CCDC180: variants seen among roughly 807,000 people sequenced by gnomAD.
The protein encoded by CCDC180 is coiled-coil domain containing 180, also known as coiled-coil domain-containing protein 180.
A neutral mutation model predicts 209.2 loss-of-function variants in CCDC180; 154 were observed. The observed-to-expected ratio is 0.74, with a 90% CI of 0.65 to 0.84. The LOEUF is 0.84. Ranked by LOEUF, CCDC180 falls within the 40% of genes least tolerant of loss-of-function variation. The pLI is 0.00. For missense variants in CCDC180, 1,874 were observed against 1,997.3 expected, an observed-to-expected ratio of 0.94 and a Z score of 1.18; for synonymous variants, 778 against 749.1, an observed-to-expected ratio of 1.04 and a Z score of -0.63.
intron 18 of CCDC180, among the ~76,000 whole-genome samples, chr9:97,336,738 A>G (rs1327906989): frequency 1.3e-5 from 2 of 152,168 alleles, no homozygotes; most frequent in African/African-American, 2.4e-5. Context: ...CATTGAATCT[A>G]TAAATTAACT....
chr9:97,335,728 T>G (rs980766731), intron 18 of CCDC180, among the ~76,000 whole-genome samples: 5 of 152,212 alleles, frequency 3.3e-5, no homozygotes, highest in Non-Finnish European at 5.9e-5. Flanking sequence ...GTATTTCTAG[T>G]TCTAGATCCT....
At chr9:97,316,940 AC>A (rs2118572885) in intron 8 of CCDC180, 124 bp from the exon 9 acceptor site, 12 of 862,946 alleles carry the variant, frequency 1.4e-5, no homozygotes, top group East Asian at 2.5e-5. Context: ...CCCTGCAACC[AC>A]CCCACTTGGC....
rs1342097319 is a variant in CCDC180, at chr9:97,317,551, C to A, written c.959+323C>A. 3.3e-5 allele frequency among the ~76,000 whole-genome samples: 5 copies of A among 152,160 alleles called. No homozygotes were observed. In the South Asian group the frequency reaches 6.2e-4, roughly 19 times the overall value. On this transcript the variant is annotated intron_variant, in intron 9 of 36. Coordinates refer to ENST00000529487, the MANE Select transcript of CCDC180 (RefSeq NM_020893.6). ...GAGCTCCATACAGCTGGAAAACATT[C>A]ATCCAATTATCTGTATAATTTCCAC...
chr9:97,363,972 A>C, intron 28 of CCDC180, 79 bp from the exon 29 acceptor site: 1 of 1,413,874 alleles, frequency 7.1e-7, no homozygotes, highest in Non-Finnish European at 9.9e-7. Flanking sequence ...CCAGAAACCC[A>C]GGCAGGGATC....
chr9:97,367,740 C>G (rs568441903), intron 31 of CCDC180, among the ~76,000 whole-genome samples: 2 of 152,252 alleles, frequency 1.3e-5, no homozygotes, highest in Admixed American at 1.3e-4. Context: ...TCCCAAAGTG[C>G]TGGGATTACA....
intron 14 of CCDC180, among the ~76,000 whole-genome samples, chr9:97,325,489 G>T (rs1466643169): frequency 6.6e-6 from 1 of 152,174 alleles, no homozygotes; most frequent in African/African-American, 2.4e-5. Context: ...GGTTCACAAT[G>T]CTTAAAGAGG....
intron 26 of CCDC180, among the ~76,000 whole-genome samples, chr9:97,361,507 G>T (rs4742688): frequency 0.21 from 32,127 of 152,088 alleles, 3,660 homozygotes; most frequent in East Asian, 0.39. Context: ...GCAGGCACCC[G>T]GGAAAATTTC....
At position 97,347,451 on chromosome 9, in the gene CCDC180, C is replaced by T; in HGVS notation, c.2636C>T (p.Ala879Val). The T allele has an allele frequency of 6.5e-7, 1 of 1,536,170 alleles. No individual in the cohort carries two copies. Among genetic ancestry groups the T allele is most frequent in the Non-Finnish European group, 8.7e-7 (1 of 1,146,924 alleles). ...CATCTGCACCTGCACCAGCCAAGAG[C>T]CCAGCAGATTGAAAAAGACATCCAC... is the stretch of plus-strand genomic sequence containing the variant. ...ELHLHLHQPR[A>V]QQIEKDIHNV... Residue 879 changes from alanine to valine, a missense_variant, in exon 20 of 37, where the codon GCC becomes GTC. By Grantham distance (64) the Ala-to-Val change is moderately conservative. Coordinates refer to ENST00000529487, the MANE Select transcript of CCDC180 (RefSeq NM_020893.6).
In CCDC180 at chr9:97,360,048, C is replaced by A. The variant is rs771088304; in HGVS notation, c.3430C>A (p.Gln1144Lys). ...GAAGGAAAAACTGAGCCAGAGGATT[C>A]AGTACCTTAACTGCAGCCTGGACAG... ...TWKEKLSQRI[Q>K]YLNCSLDRVS... Residue 1144 changes from glutamine (Q) to lysine (K), a missense_variant, in exon 26 of 37, where the codon CAG becomes AAG. Transcript: ENST00000529487. 2.5e-6 allele frequency: 4 copies of A among 1,614,060 alleles called. No homozygotes were observed. Among genetic ancestry groups the A allele is most frequent in the Non-Finnish European group, 3.4e-6 (4 of 1,179,964 alleles).
At position 97,366,650 on chromosome 9, in the gene CCDC180, TC is replaced by T; in HGVS notation, c.4141del (p.Leu1381TrpfsTer16). The T allele has an allele frequency of 6.2e-7, 1 of 1,614,140 alleles. No homozygotes were observed. The highest frequency in any genetic ancestry group is 8.5e-7 in the Non-Finnish European group (1 of 1,180,028). The part of the protein sequence containing the change: ...DQCAENISKK[I>X]LEYQSQANKY... ...TGCGCCGAGAACATTAGCAAAAAGATCCTGGAGTATCAGAGCCAGGCAAATA... is the reference window on the plus strand; with the variant it reads ...TGCGCCGAGAACATTAGCAAAAAGATCTGGAGTATCAGAGCCAGGCAAATA... On this transcript the variant is annotated frameshift_variant, in exon 31 of 37. Coordinates refer to ENST00000529487, the MANE Select transcript of CCDC180 (RefSeq NM_020893.6). LOFTEE classifies it high-confidence loss of function. The surrounding 1 kb of genome is among the most constrained non-coding windows in gnomAD (Gnocchi z 4.3).
At chr9:97,364,216 CAGAA>C in intron 29 of CCDC180, 88 bp downstream of exon 29, 1 of 1,275,370 alleles carries the variant, frequency 7.8e-7, no homozygotes, top group Non-Finnish European at 1.1e-6. Context: ...GGGGAAAAAT[CAGAA>C]AGGGGAAAGG....
intron 24 of CCDC180, among the ~76,000 whole-genome samples, chr9:97,355,736 A>T (rs945624557): frequency 6.6e-6 from 1 of 152,068 alleles, no homozygotes; most frequent in South Asian, 2.1e-4. Context: ...ACAGAAGGAG[A>T]AGGTGGCTGC....
intron 15 of CCDC180, among the ~76,000 whole-genome samples, chr9:97,327,702 C>T (rs1190663432): frequency 2.0e-5 from 3 of 152,030 alleles, no homozygotes; most frequent in East Asian, 3.9e-4. Flanking sequence ...GGGGCATTTG[C>T]GAGTTTGATG....
chr9:97,374,288 G>C (rs3747493), intron 34 of CCDC180: 1 of 458,238 alleles, frequency 2.2e-6, no homozygotes, highest in Non-Finnish European at 3.9e-6. Context: ...CAGAGCATCA[G>C]GCTTGGGTTT....
In CCDC180 at chr9:97,362,378, G is replaced by A. The variant is rs377350657; in HGVS notation, c.3839G>A (p.Arg1280Gln). 81 of 1,614,062 alleles carry A rather than the reference G, an allele frequency of 5.0e-5. 4 individuals carry two copies. In the Admixed American group the frequency reaches 5.8e-4, roughly 12 times the overall value. ...PSSPKGFKRH[R>Q]CQPENSGKKA... is the part of the protein sequence containing the mutation. ...TCACCCAAAGGCTTCAAGCGACATC[G>A]GTGCCAGCCAGAAAACTCTGGGAAG... Residue 1280 changes from arginine (R) to glutamine (Q), a missense_variant, in exon 28 of 37, where the codon CGG becomes CAG. By Grantham distance (43) the Arg-to-Gln change is conservative (BLOSUM62 1). Coordinates refer to ENST00000529487, the MANE Select transcript of CCDC180 (RefSeq NM_020893.6).
Position 97,349,196 on chromosome 9 carries a change from C to A in CCDC180, c.2760C>A (p.Cys920Ter). 1 of 1,536,506 alleles carries A rather than the reference C, an allele frequency of 6.5e-7. No individual in the cohort carries two copies. The highest frequency in any genetic ancestry group is 8.7e-7 in the Non-Finnish European group (1 of 1,147,006). Residue 920 changes from cysteine (C) to a stop codon, truncating the protein, a stop_gained, in exon 21 of 37, where the codon TGC (cysteine) becomes TGA (stop). Transcript: ENST00000529487. LOFTEE classifies it high-confidence loss of function. Reference sequence around the variant, plus strand: ...TGAAGAAGAAGCGGCTGATGTTCTGCCAGTTCCAAGAAGAGCAAAACGTGA... The same window carrying A: ...TGAAGAAGAAGCGGCTGATGTTCTGACAGTTCCAAGAAGAGCAAAACGTGA... ...ETLKKKRLMFCQFQEEQNVRS... is the reference protein window; with the variant it reads ...ETLKKKRLMF
In CCDC180 at chr9:97,314,944, A is replaced by T; in HGVS notation, c.793A>T (p.Met265Leu). The T allele has an allele frequency of 6.2e-7, 1 of 1,613,432 alleles. No homozygotes were observed. The highest frequency in any genetic ancestry group is 8.5e-7 in the Non-Finnish European group (1 of 1,179,410). ...EVYRLINEEA[M>L]VMNYALLGNR... is the part of the protein sequence containing the mutation. ...GTACAGGCTGATAAATGAAGAAGCC[A>T]TGGTGAGTGGTTTTCCTGTGCAGGG... The change falls in exon 8 of 37, where the codon ATG becomes TTG. Residue 265 changes from methionine to leucine, a missense_variant and splice_region_variant. Transcript: ENST00000529487.
chr9:97,371,595 GA>G lies in CCDC180; in HGVS notation c.4491del (p.Glu1497AspfsTer11). ...MIRMNKEKLEECTRRNGQVFI... is the reference protein window; with the variant it reads ...MIRMNKEKLEXCTRRNGQVFI... ...ACTGTGCTCACCATGTTTTTTCCAG[GA>G]ATGTACCAGAAGGAATGGCCAGGTT... On this transcript the variant is annotated frameshift_variant and splice_region_variant, in exon 34 of 37. Transcript: ENST00000529487. LOFTEE classifies it high-confidence loss of function. 6.3e-7 allele frequency: 1 copy of G among 1,595,130 alleles called. No homozygotes were observed. Among genetic ancestry groups the G allele is most frequent in the Non-Finnish European group, 8.6e-7 (1 of 1,164,658 alleles).
rs551133901 is a variant in CCDC180, at chr9:97,362,307, T to G, written c.3768T>G (p.Gly1256=). The G allele has an allele frequency of 6.2e-7, 1 of 1,614,064 alleles. No homozygotes were observed. The highest frequency in any genetic ancestry group is 2.2e-5 in the East Asian group (1 of 44,874). ...SRGSSEAGAG[G]AVCSPPVLCS... ...GCAGCAGTGAGGCAGGGGCTGGTGG[T>G]GCTGTGTGCTCACCTCCTGTCCTCT... Residue 1256 remains glycine, a synonymous_variant, in exon 28 of 37, where the codon GGT becomes GGG. Transcript: ENST00000529487.
Sources: allele counts gnomAD v4.1 joint callset (sites outside exome capture counted in the v4.1 genomes callset), GRCh38; gene constraint gnomAD v4.1.1; non-coding constraint Gnocchi (gnomAD v3.1); transcripts MANE v1.5; gene names NCBI Gene and HGNC (gene_info 2026-07-23, HGNC 2026-07-21).